Variants in PRPF8 observed in about 807,000 individuals in gnomAD.
The protein encoded by PRPF8 is pre-mRNA-processing-splicing factor 8.
Under a neutral mutation model 285.9 loss-of-function variants are expected in PRPF8, and 64 were observed. The ratio of observed to expected loss-of-function variants is 0.22; its 90% CI spans 0.18 to 0.28. The LOEUF (loss-of-function observed/expected upper bound fraction) is 0.28, where lower values mean the gene tolerates loss of function less well. Ranked by LOEUF, PRPF8 falls within the 10% of genes least tolerant of loss-of-function variation. The pLI is 1.00. For synonymous variants in PRPF8, 1,325 were observed against 1,118.2 expected (o/e 1.18, Z -3.69); for missense variants, 1,426 against 3,026.7 (o/e 0.47, Z 12.41).
At position 1,676,449 on chromosome 17, in the gene PRPF8, C is replaced by T; in HGVS notation, c.2388+56G>A. On this transcript the variant is annotated intron_variant, in intron 16 of 42. Coordinates refer to ENST00000304992, the MANE Select transcript of PRPF8 (RefSeq NM_006445.4). This position sits in a 1 kb window ranked among gnomAD's most constrained non-coding sequence, Gnocchi z 6.3. ...AAGGTTCAGTCACAACTCTACAGTC[C>T]TCCCTCTTGCCCACTCCCCCACCAC... 5 of 1,613,900 alleles carry T rather than the reference C, an allele frequency of 3.1e-6. No individual in the cohort carries two copies. The highest frequency in any genetic ancestry group is 4.2e-6 in the Non-Finnish European group (5 of 1,179,902).
intron 24 of PRPF8, among the ~76,000 whole-genome samples, chr17:1,668,080 C>G (rs1020215355): frequency 6.6e-6 from 1 of 152,254 alleles, no homozygotes; most frequent in African/African-American, 2.4e-5. Flanking sequence ...CCCTATTTTA[C>G]AGATGAGGGA....
rs1479892981 is a variant in PRPF8 at position 1,659,407 on chromosome 17, A to C, written c.5088T>G (p.Pro1696=). The C allele has an allele frequency of 6.2e-7, 1 of 1,614,108 alleles. No homozygotes were observed. The highest frequency in any genetic ancestry group is 8.5e-7 in the Non-Finnish European group (1 of 1,180,024). Reference sequence around the variant, plus strand: ...TGGCGATGAGTACACCTGTGGGCGAAGGGTAGATACTCATGTTGTCGGTGG... The same window carrying C: ...TGGCGATGAGTACACCTGTGGGCGACGGGTAGATACTCATGTTGTCGGTGG... ...DYTTDNMSIY[P]SPTGVLIAID... Residue 1696 remains proline (P), a synonymous_variant, in exon 32 of 43, where the codon CCT becomes CCG. Coordinates refer to ENST00000304992, the MANE Select transcript of PRPF8 (RefSeq NM_006445.4). This position sits in a 1 kb window ranked among gnomAD's most constrained non-coding sequence, Gnocchi z 5.1.
At chr17:1,683,197 G>A (rs1022641989) in intron 3 of PRPF8, 26 of 358,524 alleles carry the variant, frequency 7.3e-5, no homozygotes, top group African/African-American at 4.0e-4. Context: ...GGGTTTCACC[G>A]TGTTAGCCAG....
In PRPF8 at chr17:1,673,571, C is replaced by G. The variant is rs759735952; in HGVS notation, c.3447-4G>C. 6 of 1,613,952 alleles carry G rather than the reference C, an allele frequency of 3.7e-6. No homozygotes were observed. The South Asian group carries it at 6.6e-5, about 18-fold the overall frequency. On this transcript the variant is annotated splice_polypyrimidine_tract_variant and splice_region_variant and intron_variant, in intron 22 of 42. Transcript: ENST00000304992. This position sits in a 1 kb window ranked among gnomAD's most constrained non-coding sequence, Gnocchi z 5.5. ...GTCCCAGAATACCGCCCGGCCTCTG[C>G]CCACAGAGAACACATGGTCACAGCA...
chr17:1,675,206 G>A lies in PRPF8; in HGVS notation c.3006C>T (p.Asp1002=), dbSNP rs748146753. ...LLNRLLRLIV[D]HNIADYMTAK... ...CTGTCATGTAGTCGGCTATGTTGTG[G>A]TCCACGATGAGGCGCAGCAGCCTGT... Residue 1002 remains aspartate, a synonymous_variant, in exon 20 of 43, where the codon GAC becomes GAT. Coordinates refer to ENST00000304992, the MANE Select transcript of PRPF8 (RefSeq NM_006445.4). This position sits in a 1 kb window ranked among gnomAD's most constrained non-coding sequence, Gnocchi z 6.0. The A allele has an allele frequency of 1.1e-5, 17 of 1,614,154 alleles. No homozygotes were observed. Among genetic ancestry groups the A allele is most frequent in the Non-Finnish European group, 1.4e-5 (17 of 1,180,044 alleles).
chr17:1,667,044 G>C (rs1040923680), intron 24 of PRPF8, among the ~76,000 whole-genome samples: 2 of 152,078 alleles, frequency 1.3e-5, no homozygotes, highest in Non-Finnish European at 2.9e-5. Flanking sequence ...ATGGTGGCAG[G>C]CACCTGTAAT....
At position 1,659,810 on chromosome 17, in the gene PRPF8, G is replaced by A. The variant is rs371924849; in HGVS notation, c.4946+31C>T. ...AGAACAGGAAAACGAAAGTGTCCTGGCTGCCTAGGGCTGGGTCCTGAGGCA... is the reference window on the plus strand; with the variant it reads ...AGAACAGGAAAACGAAAGTGTCCTGACTGCCTAGGGCTGGGTCCTGAGGCA... On this transcript the variant is annotated intron_variant, in intron 31 of 42. Transcript: ENST00000304992. The surrounding 1 kb of genome is among the most constrained non-coding windows in gnomAD (Gnocchi z 5.1). The A allele has an allele frequency of 1.9e-6, 3 of 1,610,216 alleles. No individual in the cohort carries two copies. In the African/African-American group the frequency reaches 4.0e-5, roughly 22 times the overall value.
chr17:1,683,709 G>C lies in PRPF8; in HGVS notation c.101-8C>G, dbSNP rs369806898. Reference sequence around the variant, plus strand: ...ATTGCTGCCATTTTCGAGCTGGAAAGGCACCTCAGTTTAAAGGCCTGCACA... The same window carrying C: ...ATTGCTGCCATTTTCGAGCTGGAAACGCACCTCAGTTTAAAGGCCTGCACA... On this transcript the variant is annotated splice_region_variant and splice_polypyrimidine_tract_variant and intron_variant, in intron 2 of 42. Coordinates refer to ENST00000304992, the MANE Select transcript of PRPF8 (RefSeq NM_006445.4). 3 of 1,613,578 alleles carry C rather than the reference G, an allele frequency of 1.9e-6. No homozygotes were observed. The highest frequency in any genetic ancestry group is 2.2e-5 in the South Asian group (2 of 91,064).
rs1242804326 is a variant in PRPF8 at position 1,673,676 on chromosome 17, C to A, written c.3446+70G>T. 2.5e-6 allele frequency: 4 copies of A among 1,612,064 alleles called. No homozygotes were observed. On this transcript the variant is annotated intron_variant, in intron 22 of 42. Coordinates refer to ENST00000304992, the MANE Select transcript of PRPF8 (RefSeq NM_006445.4). The surrounding 1 kb of genome is among the most constrained non-coding windows in gnomAD (Gnocchi z 5.5). ...CACGCCTCTCCCACCCAGGACGCAGCCTCAGGTATGCCCTCTCTGGGCCCT... is the reference window on the plus strand; with the variant it reads ...CACGCCTCTCCCACCCAGGACGCAGACTCAGGTATGCCCTCTCTGGGCCCT...
Position 1,673,603 on chromosome 17 carries a change from TG to T in PRPF8, c.3447-37del, listed in dbSNP as rs1388988289. ...AGAACACATGGTCACAGCAGTTTCT[TG>T]GAAGGAACTTCCCTTCAAAGGCCAA... On this transcript the variant is annotated intron_variant, in intron 22 of 42. Transcript: ENST00000304992. The surrounding 1 kb of genome is among the most constrained non-coding windows in gnomAD (Gnocchi z 5.5). 41 of 1,613,256 alleles carry T rather than the reference TG, an allele frequency of 2.5e-5. No individual in the cohort carries two copies. The highest frequency in any genetic ancestry group is 3.3e-5 in the Non-Finnish European group (39 of 1,179,888).
chr17:1,670,833 G>A (rs576618705), intron 24 of PRPF8, among the ~76,000 whole-genome samples: 138 of 151,946 alleles, frequency 9.1e-4, no homozygotes, highest in African/African-American at 3.3e-3. Flanking sequence ...CCCCAAACCT[G>A]GTCTCCCATC....
chr17:1,672,471 G>T (rs898687879), intron 24 of PRPF8, among the ~76,000 whole-genome samples: 1 of 152,152 alleles, frequency 6.6e-6, no homozygotes, highest in African/African-American at 2.4e-5. Context: ...GCAGAGACGA[G>T]GTTTCAGAAC....
chr17:1,679,923 A>G lies in PRPF8; in HGVS notation c.1099-124T>C. On this transcript the variant is annotated intron_variant, in intron 8 of 42. Coordinates refer to ENST00000304992, the MANE Select transcript of PRPF8 (RefSeq NM_006445.4). This position sits in a 1 kb window ranked among gnomAD's most constrained non-coding sequence, Gnocchi z 4.7. Reference sequence around the variant, plus strand: ...GCTATGGAAACTGGGCTGTCTGACAAAAGCAGCCCTGAAGTGCCAGCACAA... The same window carrying G: ...GCTATGGAAACTGGGCTGTCTGACAGAAGCAGCCCTGAAGTGCCAGCACAA... The G allele has an allele frequency of 8.6e-7, 1 of 1,166,220 alleles. No individual in the cohort carries two copies. 72.2% of individuals were successfully genotyped at this position (1,166,220 alleles called of 1,614,324 possible).
At position 1,679,823 on chromosome 17, in the gene PRPF8, G is replaced by C; in HGVS notation, c.1099-24C>G. The C allele has an allele frequency of 6.2e-7, 1 of 1,613,588 alleles. No homozygotes were observed. The highest frequency in any genetic ancestry group is 8.5e-7 in the Non-Finnish European group (1 of 1,179,446). ...CTCTGAAAAAGGAATCCCTCTAAGG[G>C]TTTAGCTCCTGCTGAACTAGGCACA... is the stretch of plus-strand genomic sequence containing the variant. On this transcript the variant is annotated intron_variant, in intron 8 of 42. Coordinates refer to ENST00000304992, the MANE Select transcript of PRPF8 (RefSeq NM_006445.4). This position sits in a 1 kb window ranked among gnomAD's most constrained non-coding sequence, Gnocchi z 4.7.
In PRPF8 at chr17:1,654,023, G is replaced by T; in HGVS notation, c.5988-7C>A. Reference sequence around the variant, plus strand: ...CAGTGATGCCACGTTCACACTGTGGGGATGGTGTGGGTTATATTACAAGGA... The same window carrying T: ...CAGTGATGCCACGTTCACACTGTGGTGATGGTGTGGGTTATATTACAAGGA... On this transcript the variant is annotated splice_region_variant and splice_polypyrimidine_tract_variant and intron_variant, in intron 37 of 42. Coordinates refer to ENST00000304992, the MANE Select transcript of PRPF8 (RefSeq NM_006445.4). 6.2e-7 allele frequency: 1 copy of T among 1,614,164 alleles called. No homozygotes were observed. Among genetic ancestry groups the T allele is most frequent in the Non-Finnish European group, 8.5e-7 (1 of 1,180,036 alleles).
chr17:1,684,100 T>C (rs1567694284), intron 2 of PRPF8, among the ~76,000 whole-genome samples: 1 of 152,152 alleles, frequency 6.6e-6, no homozygotes, highest in Non-Finnish European at 1.5e-5. Context: ...TTGGCCAGGC[T>C]GGTCTCGAAC....
In PRPF8 at chr17:1,652,413, ATATTT is replaced by A. The variant is rs200703836; in HGVS notation, c.6370-630_6370-626del. 9.8e-3 allele frequency among the ~76,000 whole-genome samples: 1,493 copies of A among 151,858 alleles called. 28 individuals are homozygous for A. Among genetic ancestry groups the A allele is most frequent in the African/African-American group, 0.034 (1,412 of 41,388 alleles). On this transcript the variant is annotated intron_variant, in intron 39 of 42. Coordinates refer to ENST00000304992, the MANE Select transcript of PRPF8 (RefSeq NM_006445.4). Reference sequence around the variant, plus strand: ...GCCACCATGCCCCGCTAATTTTCATATATTTAAGAGAGACGGGGTTTCGCCACGTT... The same window carrying A: ...GCCACCATGCCCCGCTAATTTTCATAAAGAGAGACGGGGTTTCGCCACGTT...
In PRPF8 at chr17:1,674,603, C is replaced by T; in HGVS notation, c.3138G>A (p.Leu1046=). 1 of 1,614,124 alleles carries T rather than the reference C, an allele frequency of 6.2e-7. No homozygotes were observed. Among genetic ancestry groups the T allele is most frequent in the East Asian group, 2.2e-5 (1 of 44,888 alleles). The part of the protein sequence containing the change: ...FASFIVQYYG[L]VMDLLVLGLH... Reference sequence around the variant, plus strand: ...ATCCCAATACAAGCAAATCCATCACCAGGCCATAATACTGCACGATGAATG... The same window carrying T: ...ATCCCAATACAAGCAAATCCATCACTAGGCCATAATACTGCACGATGAATG... The change falls in exon 21 of 43, where the codon CTG becomes CTA. Residue 1046 remains leucine (L), a synonymous_variant. Transcript: ENST00000304992.
chr17:1,682,081 C>A, intron 4 of PRPF8, 43 bp from the exon 5 acceptor site: 1 of 1,613,358 alleles, frequency 6.2e-7, no homozygotes, highest in Non-Finnish European at 8.5e-7. Context: ...CCCACTGCCT[C>A]CCAACCACCA....
Sources: gnomAD v4.1 joint callset for allele counts (sites outside exome capture counted in the v4.1 genomes callset) on GRCh38, gnomAD v4.1.1 for gene constraint, Gnocchi (gnomAD v3.1) non-coding constraint, MANE v1.5 for transcripts, NCBI Gene and HGNC (gene_info 2026-07-23, HGNC 2026-07-21) for gene names.